The following ARHGEF7 variants were observed in gnomAD, a reference collection of about 807,000 sequenced individuals.
The protein encoded by ARHGEF7 is PAK-interacting exchange factor beta.
In ARHGEF7, 33 loss-of-function variants were observed where a neutral mutation model predicts 109.8. That is an observed-to-expected ratio of 0.30 (90% confidence interval 0.23 to 0.40). The LOEUF is 0.40. Ranked by LOEUF, ARHGEF7 falls within the 10% of genes least tolerant of loss-of-function variation. The pLI is 1.00. For synonymous variants in ARHGEF7, 458 were observed against 424.6 expected (o/e 1.08, Z -0.97); for missense variants, 938 against 1,098.5 (o/e 0.85, Z 2.07).
intron 20 of ARHGEF7, 124 bp downstream of exon 20, chr13:111,300,971 G>A (rs910635203): frequency 1.1e-5 from 6 of 536,768 alleles, no homozygotes; most frequent in Admixed American, 7.4e-5. Context: ...TTTTTGAGAC[G>A]GAGTGTCACT....
chr13:111,241,223 C>CCAAACTGCCTGG (rs2153540635), intron 6 of ARHGEF7: 1 of 1,536,152 alleles, frequency 6.5e-7, no homozygotes, highest in African/African-American at 1.4e-5. Flanking sequence ...AAACTGCCTG[C>CCAAACTGCCTGG]GTCCTCTGGG....
rs530458692 is a variant in ARHGEF7 at position 111,277,592 on chromosome 13, G to T, written c.1425G>T (p.Lys475Asn). 1.3e-6 allele frequency: 2 copies of T among 1,595,194 alleles called. No homozygotes were observed. The highest frequency in any genetic ancestry group is 2.2e-5 in the South Asian group (2 of 90,346). Residue 475 changes from lysine (K) to asparagine (N), a missense_variant, in exon 13 of 22, where the codon AAG becomes AAT. By Grantham distance (94) the Lys-to-Asn change is moderately conservative. Coordinates refer to ENST00000646102, the MANE Select transcript of ARHGEF7 (RefSeq NM_001354046.2). ...GATTTCTTTTTTTGTATTAGGAAAA[G>T]AATGAAAGATATCTTCTACTCTTCC... ...VLIQCAGSEE[K>N]NERYLLLFPN...
intron 9 of ARHGEF7, among the ~76,000 whole-genome samples, chr13:111,270,602 G>A (rs1172664825): frequency 6.6e-6 from 1 of 152,142 alleles, no homozygotes; most frequent in Non-Finnish European, 1.5e-5. Context: ...GAGTGGTGAT[G>A]AGGGTAACTG....
chr13:111,292,392 G>A (rs1232081307), intron 19 of ARHGEF7, 98 bp downstream of exon 19: 21 of 1,557,474 alleles, frequency 1.3e-5, no homozygotes, highest in Non-Finnish European at 1.6e-5. Flanking sequence ...TTTCTTAGAT[G>A]TTTTCTTGCT....
intron 2 of ARHGEF7, among the ~76,000 whole-genome samples, chr13:111,166,617 A>C (rs1566683485): frequency 6.6e-6 from 1 of 152,156 alleles, no homozygotes. Context: ...TTACAGATGG[A>C]CTAGATGGGG....
At chr13:111,130,556 GATTT>G (rs563355930) in intron 1 of ARHGEF7, among the ~76,000 whole-genome samples, 131 of 152,280 alleles carry the variant, frequency 8.6e-4, no homozygotes, top group Non-Finnish European at 1.5e-3. Flanking sequence ...TTCATTTATT[GATTT>G]ATTTGTTTAT....
intron 1 of ARHGEF7, among the ~76,000 whole-genome samples, chr13:111,124,200 G>A (rs2067406166): frequency 6.6e-6 from 1 of 152,100 alleles, no homozygotes; most frequent in Non-Finnish European, 1.5e-5. Flanking sequence ...CACTGTCTCT[G>A]TTTCCTCTGA....
At chr13:111,144,761 G>A (rs2075504518) in intron 1 of ARHGEF7, 1 of 152,208 alleles carries the variant, frequency 6.6e-6, no homozygotes, top group Non-Finnish European at 1.5e-5. Context: ...CTGTCTTGAG[G>A]ACTGTTTTGT....
intron 1 of ARHGEF7, among the ~76,000 whole-genome samples, chr13:111,149,253 A>AAAAAG (rs1317887930): frequency 6.6e-6 from 1 of 152,112 alleles, no homozygotes; most frequent in African/African-American, 2.4e-5. Context: ...TCTGAAAAAA[A>AAAAAG]AAAAGAAAAG....
Position 111,115,649 on chromosome 13 carries a change from C to A in ARHGEF7, c.123C>A (p.Leu41=). ...CGTCGCTGAAGGATGGGGTGGTCCT[C>A]TGCAGGCTGCTGGAGCGCCTGCTCC... ...LQASLKDGVV[L]CRLLERLLPG... Residue 41 remains leucine, a synonymous_variant, in exon 1 of 22, where the codon CTC becomes CTA. Transcript: ENST00000646102. The A allele has an allele frequency of 7.4e-7, 1 of 1,355,842 alleles. No individual in the cohort carries two copies. 84.0% of individuals were successfully genotyped at this position (1,355,842 alleles called of 1,614,324 possible). A position where few individuals can be genotyped will look rare whatever the true frequency, so the allele number is the denominator to read the frequency against.
chr13:111,236,889 C>G (rs1309286730), intron 6 of ARHGEF7, among the ~76,000 whole-genome samples: 1 of 152,082 alleles, frequency 6.6e-6, no homozygotes, highest in Non-Finnish European at 1.5e-5. Flanking sequence ...TGCTTGAGCC[C>G]TGGAGTTTGA....
chr13:111,220,574 G>A (rs563552631), intron 5 of ARHGEF7, among the ~76,000 whole-genome samples: 19 of 152,116 alleles, frequency 1.2e-4, no homozygotes, highest in African/African-American at 4.6e-4. Context: ...TTTGAATGTC[G>A]TCAGTGTCAT....
chr13:111,169,412 A>G (rs1369195721), intron 2 of ARHGEF7, among the ~76,000 whole-genome samples: 1 of 152,168 alleles, frequency 6.6e-6, no homozygotes, highest in Non-Finnish European at 1.5e-5. Flanking sequence ...AAGGGGAAGC[A>G]GGCTCGTCTT....
chr13:111,297,907 C>T (rs1478025358), intron 19 of ARHGEF7, among the ~76,000 whole-genome samples: 1 of 152,248 alleles, frequency 6.6e-6, no homozygotes, highest in African/African-American at 2.4e-5. Context: ...TTTACTTTGC[C>T]TGATCCGCAG....
intron 2 of ARHGEF7, among the ~76,000 whole-genome samples, chr13:111,169,319 A>T (rs1270478420): frequency 6.6e-6 from 1 of 152,184 alleles, no homozygotes; most frequent in Non-Finnish European, 1.5e-5. Context: ...TCATGGTTCC[A>T]CAGGGTGTAC....
rs771209279 is a variant in ARHGEF7, at chr13:111,115,642, T to C, written c.116T>C (p.Val39Ala). The change falls in exon 1 of 22, where the codon GTG becomes GCG. Residue 39 changes from valine to alanine, a missense_variant. Coordinates refer to ENST00000646102, the MANE Select transcript of ARHGEF7 (RefSeq NM_001354046.2). Reference protein sequence around the residue: ...GFLQASLKDGVVLCRLLERLL... With the variant: ...GFLQASLKDGAVLCRLLERLL... ...CTGCAGGCGTCGCTGAAGGATGGGG[T>C]GGTCCTCTGCAGGCTGCTGGAGCGC... 1 of 1,377,840 alleles carries C rather than the reference T, an allele frequency of 7.3e-7. No individual in the cohort carries two copies. Among genetic ancestry groups the C allele is most frequent in the South Asian group, 1.5e-5 (1 of 67,438 alleles). The allele number at this position is 1,377,840 out of a possible 1,614,324, so 85.4% of individuals were successfully genotyped here.
At chr13:111,163,615 A>T (rs574092623) in intron 2 of ARHGEF7, among the ~76,000 whole-genome samples, 256 of 152,132 alleles carry the variant, frequency 1.7e-3, no homozygotes, top group Non-Finnish European at 2.9e-3. Context: ...CCCAGGCTGG[A>T]GTACAGTGGC....
chr13:111,283,761 C>T (rs996601475), intron 16 of ARHGEF7, among the ~76,000 whole-genome samples: 2 of 152,182 alleles, frequency 1.3e-5, no homozygotes, highest in African/African-American at 4.8e-5. Context: ...GGATCCTGTC[C>T]AGGAGCCCTG....
intron 2 of ARHGEF7, among the ~76,000 whole-genome samples, chr13:111,165,011 G>C (rs1434584277): frequency 6.6e-6 from 1 of 152,162 alleles, no homozygotes; most frequent in East Asian, 1.9e-4. Flanking sequence ...ATCCTCTCCA[G>C]TGTTGGGATG....
Sources: gnomAD v4.1 joint callset for allele counts (sites outside exome capture counted in the v4.1 genomes callset) on GRCh38, gnomAD v4.1.1 for gene constraint, MANE v1.5 for transcripts, NCBI Gene and HGNC (gene_info 2026-07-23, HGNC 2026-07-21) for gene names.